Variants in FMN1 observed in about 807,000 individuals in gnomAD.
The protein encoded by FMN1 is formin-1.
FMN1 carries 110 observed loss-of-function variants against 132.4 expected under a neutral mutation model. That is an observed-to-expected ratio of 0.83 (90% CI 0.71 to 0.97). The LOEUF is 0.97. FMN1 is among the 50% of genes least tolerant of loss of function. FMN1 has a pLI of 0.00. For missense variants in FMN1, 1,792 were observed against 1,705.3 expected, an observed-to-expected ratio of 1.05 and a Z score of -0.90; for synonymous variants, 722 against 651.7, an observed-to-expected ratio of 1.11 and a Z score of -1.64.
chr15:33,077,904 C>T (rs564364826), intron 5 of FMN1, among the ~76,000 whole-genome samples: 46 of 151,996 alleles, frequency 3.0e-4, no homozygotes, highest in African/African-American at 1.1e-3. Context: ...TCATCACTGG[C>T]CATCAGAAAA....
chr15:32,969,578 G>A (rs2031603606), intron 7 of FMN1, 101 bp from the exon 8 acceptor site: 1 of 1,276,614 alleles, frequency 7.8e-7, no homozygotes, highest in Non-Finnish European at 1.1e-6. Flanking sequence ...CTGTAGCATG[G>A]CCCACATAAA....
At chr15:33,015,125 T>A (rs2034964486) in intron 6 of FMN1, among the ~76,000 whole-genome samples, 1 of 152,202 alleles carries the variant, frequency 6.6e-6, no homozygotes, top group Admixed American at 6.5e-5. Context: ...AAAGAACGTG[T>A]GCTGGCTCTG....
intron 19 of FMN1, among the ~76,000 whole-genome samples, chr15:32,779,208 G>C (rs1256805052): frequency 1.3e-5 from 2 of 152,192 alleles, no homozygotes; most frequent in South Asian, 2.1e-4. Context: ...AAATCAGATA[G>C]AGGTAATGGT....
intron 19 of FMN1, among the ~76,000 whole-genome samples, chr15:32,795,400 C>T (rs2057249400): frequency 1.3e-5 from 2 of 152,070 alleles, no homozygotes; most frequent in South Asian, 4.1e-4. Context: ...GGCACTATGG[C>T]AGAAGGGAAA....
intron 16 of FMN1, among the ~76,000 whole-genome samples, chr15:32,882,829 CTAAGA>C (rs2141450409): frequency 6.6e-6 from 1 of 152,238 alleles, no homozygotes; most frequent in South Asian, 2.1e-4. Flanking sequence ...ATTTTGCTTC[CTAAGA>C]TAATATCAAC....
chr15:33,128,785 G>GAGC (rs1370226320), intron 4 of FMN1, among the ~76,000 whole-genome samples: 7 of 152,212 alleles, frequency 4.6e-5, no homozygotes, highest in Admixed American at 1.3e-4. Context: ...CCCAAACGGT[G>GAGC]AGCAGCAGCA....
intron 4 of FMN1, among the ~76,000 whole-genome samples, chr15:33,122,569 C>T (rs906830450): frequency 3.3e-5 from 5 of 152,222 alleles, no homozygotes; most frequent in South Asian, 2.1e-4. Context: ...AATATTCTGA[C>T]ATCACCTTCT....
At chr15:33,050,489 A>G (rs2036919181) in intron 6 of FMN1, among the ~76,000 whole-genome samples, 1 of 152,230 alleles carries the variant, frequency 6.6e-6, no homozygotes, top group East Asian at 1.9e-4. Flanking sequence ...GGAAGCTCAT[A>G]AGAAATCCAA....
chr15:32,964,389 G>C, intron 8 of FMN1, 132 bp from the exon 9 acceptor site: 1 of 651,768 alleles, frequency 1.5e-6, no homozygotes, highest in Middle Eastern at 2.7e-4. Context: ...ATAATGCTTG[G>C]AGAAAAGCTT....
chr15:32,923,621 G>A (rs574339859), intron 10 of FMN1, among the ~76,000 whole-genome samples: 3 of 152,282 alleles, frequency 2.0e-5, no homozygotes, highest in Admixed American at 1.3e-4. Context: ...GAAAGTTCAC[G>A]TACGCTTCAC....
At chr15:33,155,159 C>T (rs1964622248) in intron 3 of FMN1, 114 bp from the exon 4 acceptor site, 5 of 401,082 alleles carry the variant, frequency 1.2e-5, no homozygotes, top group Non-Finnish European at 1.8e-5. Context: ...CTGACCTCAA[C>T]AACTCAAGGA....
chr15:33,017,855 A>G (rs1004592497), intron 6 of FMN1, among the ~76,000 whole-genome samples: 3 of 152,174 alleles, frequency 2.0e-5, no homozygotes, highest in Non-Finnish European at 4.4e-5. Context: ...TCCTGAGGTC[A>G]GGAGTTCCAG....
intron 6 of FMN1, among the ~76,000 whole-genome samples, chr15:33,018,557 G>A (rs2035211283): frequency 1.3e-5 from 2 of 152,166 alleles, no homozygotes; most frequent in African/African-American, 4.8e-5. Context: ...AGAGGGTGGT[G>A]CGCCCAAGAA....
chr15:32,871,194 C>T (rs986794482), intron 16 of FMN1, among the ~76,000 whole-genome samples: 2 of 152,120 alleles, frequency 1.3e-5, no homozygotes, highest in African/African-American at 4.8e-5. Context: ...CACACAAAGA[C>T]ATTTGAAAAA....
chr15:32,846,334 T>G (rs1364636132), intron 17 of FMN1, among the ~76,000 whole-genome samples: 1 of 152,184 alleles, frequency 6.6e-6, no homozygotes, highest in Middle Eastern at 3.2e-3. Context: ...TCTACCCATA[T>G]GACAAAGGCC....
chr15:32,936,771 G>A (rs904896290), intron 9 of FMN1, among the ~76,000 whole-genome samples: 5 of 152,104 alleles, frequency 3.3e-5, no homozygotes, highest in African/African-American at 9.7e-5. Context: ...GCAAGAGGAG[G>A]AGGAAGCAGA....
chr15:33,113,061 TCTA>T (rs2039773184), intron 4 of FMN1, among the ~76,000 whole-genome samples: 1 of 152,182 alleles, frequency 6.6e-6, no homozygotes. Flanking sequence ...AATACTTATA[TCTA>T]AAGTACAACC....
intron 4 of FMN1, among the ~76,000 whole-genome samples, chr15:33,141,066 A>T (rs1228631323): frequency 6.6e-6 from 1 of 152,138 alleles, no homozygotes; most frequent in Non-Finnish European, 1.5e-5. Context: ...GCTAATTATC[A>T]GTCATAATAG....
intron 7 of FMN1, among the ~76,000 whole-genome samples, chr15:33,001,536 G>C (rs971701199): frequency 4.7e-5 from 7 of 148,514 alleles, no homozygotes; most frequent in Admixed American, 1.3e-4. Context: ...GTCCAAGTGC[G>C]TCCCCCCTCA....
Sources: allele counts gnomAD v4.1 joint callset (sites outside exome capture counted in the v4.1 genomes callset), GRCh38; gene constraint gnomAD v4.1.1; transcripts MANE v1.5; gene names NCBI Gene and HGNC (gene_info 2026-07-23, HGNC 2026-07-21).